The following MACROD2 variants were observed in gnomAD, a reference collection of about 807,000 sequenced individuals.
MACROD2 encodes mono-ADP ribosylhydrolase 2, also known as ADP-ribose glycohydrolase MACROD2.
MACROD2 carries 36 observed loss-of-function variants against 70.4 expected under a neutral mutation model. The observed-to-expected ratio is 0.51, with a 90% CI of 0.39 to 0.68. The LOEUF is 0.68. MACROD2 is among the 30% of genes least tolerant of loss of function. The pLI is 0.00. For synonymous variants in MACROD2, 172 were observed against 178.8 expected, an observed-to-expected ratio of 0.96 and a Z score of 0.30; for missense variants, 496 against 538.4, an observed-to-expected ratio of 0.92 and a Z score of 0.78.
intron 6 of MACROD2, among the ~76,000 whole-genome samples, chr20:15,390,667 A>G (rs2045780492): frequency 6.6e-6 from 1 of 152,156 alleles, no homozygotes. Context: ...TTTTGGGGGG[A>G]AAATAAAAGT....
At chr20:15,266,856 C>T (rs2077299320) in intron 6 of MACROD2, among the ~76,000 whole-genome samples, 1 of 152,200 alleles carries the variant, frequency 6.6e-6, no homozygotes, top group East Asian at 1.9e-4. Context: ...ATAGGGTACT[C>T]TGCTTCCGTT....
chr20:15,877,105 C>T (rs1290416712), intron 9 of MACROD2, among the ~76,000 whole-genome samples: 2 of 152,130 alleles, frequency 1.3e-5, no homozygotes, highest in African/African-American at 4.8e-5. Context: ...TTGGACTGGG[C>T]ACTCTTTATC....
At chr20:15,057,208 C>T (rs1192842632) in intron 5 of MACROD2, among the ~76,000 whole-genome samples, 1 of 152,116 alleles carries the variant, frequency 6.6e-6, no homozygotes, top group East Asian at 1.9e-4. Flanking sequence ...ATTAAAGTAA[C>T]TTTTCTTTAC....
intron 5 of MACROD2, among the ~76,000 whole-genome samples, chr20:14,730,132 T>C (rs921988909): frequency 5.7e-4 from 87 of 152,004 alleles, no homozygotes; most frequent in Non-Finnish European, 4.4e-5. Context: ...TGAAGAGATG[T>C]GGAGGGTGTG....
At chr20:14,848,455 T>C (rs1413887766) in intron 5 of MACROD2, among the ~76,000 whole-genome samples, 1 of 152,174 alleles carries the variant, frequency 6.6e-6, no homozygotes, top group African/African-American at 2.4e-5. Flanking sequence ...CTCTTTTTTT[T>C]TCTTTGAGTA....
At chr20:15,828,285 G>T (rs371530819) in intron 8 of MACROD2, among the ~76,000 whole-genome samples, 14 of 152,108 alleles carry the variant, frequency 9.2e-5, no homozygotes, top group African/African-American at 3.4e-4. Flanking sequence ...ATAAAACTTA[G>T]TTTGGGGACA....
chr20:14,339,522 G>C (rs558813450), intron 3 of MACROD2, among the ~76,000 whole-genome samples: 1 of 152,276 alleles, frequency 6.6e-6, no homozygotes, highest in East Asian at 1.9e-4. Context: ...TGGGTTTATA[G>C]CCATATTTAA....
At chr20:15,735,983 T>C (rs1317655655) in intron 8 of MACROD2, among the ~76,000 whole-genome samples, 1 of 152,184 alleles carries the variant, frequency 6.6e-6, no homozygotes, top group African/African-American at 2.4e-5. Flanking sequence ...TATATACATA[T>C]ATCTGAGATA....
At chr20:14,150,699 ACTT>A (rs1285876407) in intron 3 of MACROD2, among the ~76,000 whole-genome samples, 2 of 152,092 alleles carry the variant, frequency 1.3e-5, no homozygotes, top group Non-Finnish European at 2.9e-5. Context: ...TAAAGAGAAT[ACTT>A]CTTTGCTGGA....
intron 5 of MACROD2, among the ~76,000 whole-genome samples, chr20:15,190,019 C>T (rs1715272047): frequency 6.6e-6 from 1 of 152,144 alleles, no homozygotes; most frequent in Admixed American, 6.5e-5. Context: ...CACTGAGAGG[C>T]TCAAATACAT....
intron 5 of MACROD2, among the ~76,000 whole-genome samples, chr20:15,039,246 C>T (rs149268255): frequency 7.9e-5 from 12 of 152,208 alleles, no homozygotes; most frequent in Non-Finnish European, 8.8e-5. Flanking sequence ...AGGAGAGAAC[C>T]TAGCAAAGCT....
chr20:15,539,783 C>T (rs1356353736), intron 8 of MACROD2, among the ~76,000 whole-genome samples: 1 of 152,104 alleles, frequency 6.6e-6, no homozygotes, highest in Non-Finnish European at 1.5e-5. Context: ...GTCAGGAGAT[C>T]GAGACCATCC....
At chr20:15,168,490 T>TGTGTGTGTGTGTG (rs1601169189) in intron 5 of MACROD2, among the ~76,000 whole-genome samples, 2 of 138,080 alleles carry the variant, frequency 1.4e-5, no homozygotes, top group South Asian at 2.3e-4. Context: ...TGTGTGTGTG[T>TGTGTGTGTGTGTG]TGACATGAAT....
chr20:15,172,947 C>T (rs1726152868), intron 5 of MACROD2, among the ~76,000 whole-genome samples: 1 of 151,978 alleles, frequency 6.6e-6, no homozygotes, highest in Non-Finnish European at 1.5e-5. Flanking sequence ...AATAAGTTTG[C>T]CCCCATATTT....
chr20:15,326,476 T>A (rs531586098), intron 6 of MACROD2, among the ~76,000 whole-genome samples: 111 of 152,272 alleles, frequency 7.3e-4, no homozygotes, highest in African/African-American at 2.6e-3. Flanking sequence ...TTATGTTATT[T>A]AAAATTTATT....
At chr20:14,550,875 T>A (rs895831285) in intron 4 of MACROD2, among the ~76,000 whole-genome samples, 9 of 45,808 alleles carry the variant, frequency 2.0e-4, no homozygotes, top group Non-Finnish European at 3.9e-4. Flanking sequence ...GTTTTATCAG[T>A]AGCAGTTTTT....
intron 3 of MACROD2, among the ~76,000 whole-genome samples, chr20:14,166,845 G>A (rs750207758): frequency 6.6e-6 from 1 of 152,044 alleles, no homozygotes; most frequent in South Asian, 2.1e-4. Flanking sequence ...TTTTCTTCTA[G>A]TCTACTCCCA....
At chr20:14,003,200 C>T (rs574786798) in intron 2 of MACROD2, among the ~76,000 whole-genome samples, 28 of 152,208 alleles carry the variant, frequency 1.8e-4, no homozygotes, top group Non-Finnish European at 3.4e-4. Context: ...GGAACTACAC[C>T]GGGTACTATG....
chr20:14,123,120 A>G (rs1419289150), intron 3 of MACROD2, among the ~76,000 whole-genome samples: 1 of 152,314 alleles, frequency 6.6e-6, no homozygotes, highest in African/African-American at 2.4e-5. Context: ...AAGCATAGCC[A>G]TGAGTGTAAT....
Sources: allele counts gnomAD v4.1 joint callset (sites outside exome capture counted in the v4.1 genomes callset), GRCh38; gene constraint gnomAD v4.1.1; transcripts MANE v1.5; gene names NCBI Gene and HGNC (gene_info 2026-07-23, HGNC 2026-07-21).